Variants in ZFHX3 observed in about 807,000 individuals in gnomAD.
The protein encoded by ZFHX3 is zinc finger homeobox protein 3.
A neutral mutation model predicts 279.1 loss-of-function variants in ZFHX3; 42 were observed. That is an observed-to-expected ratio of 0.15 (90% confidence interval 0.12 to 0.19). ZFHX3 has a LOEUF of 0.19. ZFHX3 is among the 10% of genes least tolerant of loss of function. The pLI, the probability that ZFHX3 is intolerant of heterozygous loss-of-function variation, is 1.00. For synonymous variants in ZFHX3, 2,293 were observed against 1,957.8 expected (o/e 1.17, Z -4.52); for missense variants, 4,981 against 4,754.0 (o/e 1.05, Z -1.40).
At chr16:73,875,250 T>C (rs1456879882) in intron 1 of ZFHX3, among the ~76,000 whole-genome samples, 1 of 151,818 alleles carries the variant, frequency 6.6e-6, no homozygotes, top group Admixed American at 6.5e-5. Flanking sequence ...TATATTTTAA[T>C]ATTTATACAC....
intron 4 of ZFHX3, among the ~76,000 whole-genome samples, chr16:72,855,099 T>A (rs1309732136): frequency 6.6e-6 from 1 of 152,188 alleles, no homozygotes; most frequent in African/African-American, 2.4e-5. Context: ...TGAGAAGATT[T>A]ATGCTGCAAT....
At chr16:73,845,936 C>G (rs1961438580) in intron 1 of ZFHX3, among the ~76,000 whole-genome samples, 1 of 152,078 alleles carries the variant, frequency 6.6e-6, no homozygotes. Context: ...TACTCAGCCT[C>G]CTGAGTAGCT....
At chr16:73,480,550 G>A (rs1483494569) in intron 2 of ZFHX3, among the ~76,000 whole-genome samples, 1 of 152,168 alleles carries the variant, frequency 6.6e-6, no homozygotes, top group Non-Finnish European at 1.5e-5. Flanking sequence ...TGTGGGGATG[G>A]AGTGGCAGGC....
intron 3 of ZFHX3, among the ~76,000 whole-genome samples, chr16:73,418,541 T>G (rs1409876958): frequency 6.6e-6 from 1 of 152,258 alleles, no homozygotes; most frequent in Non-Finnish European, 1.5e-5. Context: ...TTTATAGATG[T>G]ATCACTGCAG....
chr16:73,681,482 T>C (rs368595287), intron 1 of ZFHX3, among the ~76,000 whole-genome samples: 12 of 152,102 alleles, frequency 7.9e-5, no homozygotes, highest in African/African-American at 2.9e-4. Context: ...TAATCCAAAA[T>C]GGGGAGAAAG....
intron 3 of ZFHX3, among the ~76,000 whole-genome samples, chr16:72,927,284 A>G (rs957025957): frequency 6.6e-6 from 1 of 152,178 alleles, no homozygotes; most frequent in Non-Finnish European, 1.5e-5. Flanking sequence ...TCCCTGTGTC[A>G]CAGTAATCCT....
At chr16:73,854,912 G>C (rs1961684783) in intron 1 of ZFHX3, among the ~76,000 whole-genome samples, 1 of 151,646 alleles carries the variant, frequency 6.6e-6, no homozygotes, top group Admixed American at 6.6e-5. Flanking sequence ...GAGTGTACCT[G>C]AACACAAACT....
intron 1 of ZFHX3, among the ~76,000 whole-genome samples, chr16:73,058,226 G>GGGCGGCCCGGGCTCGGCGGC: frequency 6.9e-6 from 1 of 145,094 alleles, no homozygotes; most frequent in Non-Finnish European, 1.5e-5. Flanking sequence ...GGGGAGGAGG[G>GGGCGGCCCGGGCTCGGCGGC]GGCGGCCCGG....
At chr16:72,889,213 A>C (rs1427807409) in intron 4 of ZFHX3, among the ~76,000 whole-genome samples, 1 of 152,118 alleles carries the variant, frequency 6.6e-6, no homozygotes, top group Non-Finnish European at 1.5e-5. Context: ...AATACAACTG[A>C]AATTTTTATA....
intron 2 of ZFHX3, among the ~76,000 whole-genome samples, chr16:73,590,920 A>G (rs2051988019): frequency 3.3e-5 from 5 of 152,186 alleles, no homozygotes; most frequent in Admixed American, 2.6e-4. Context: ...GGAAAAAAAA[A>G]TCAAACCAGT....
chr16:72,849,292 G>A (rs915905907), intron 4 of ZFHX3, among the ~76,000 whole-genome samples: 1 of 152,150 alleles, frequency 6.6e-6, no homozygotes, highest in African/African-American at 2.4e-5. Flanking sequence ...GCAGCCAGAG[G>A]AGCTGCAAGA....
chr16:73,555,951 A>G (rs2020275997), intron 2 of ZFHX3, among the ~76,000 whole-genome samples: 1 of 152,152 alleles, frequency 6.6e-6, no homozygotes, highest in South Asian at 2.1e-4. Context: ...AAGTGTCTAG[A>G]GAGGGAGGGT....
intron 1 of ZFHX3, among the ~76,000 whole-genome samples, chr16:73,006,418 T>G (rs1406159872): frequency 6.6e-6 from 1 of 151,416 alleles, no homozygotes; most frequent in Non-Finnish European, 1.5e-5. Flanking sequence ...AGGCCAGGAG[T>G]TTAAGACCAG....
intron 3 of ZFHX3, among the ~76,000 whole-genome samples, chr16:73,393,933 T>C (rs1465844406): frequency 7.2e-6 from 1 of 138,986 alleles, no homozygotes; most frequent in East Asian, 1.9e-4. Context: ...ATATATAAGA[T>C]ATATATAAAA....
In ZFHX3 at chr16:73,761,936, G is replaced by A. The variant is rs567889019; in HGVS notation, c.-1607-81696C>T. On this transcript the variant is annotated intron_variant, in intron 1 of 17. Coordinates refer to the ZFHX3 transcript ENST00000641206. Reference sequence around the variant, plus strand: ...ACATAGGCACGGGTAAAAATTTCACGACAAAGATGTCAAAAGCAATTGCAA... The same window carrying A: ...ACATAGGCACGGGTAAAAATTTCACAACAAAGATGTCAAAAGCAATTGCAA... Among the ~76,000 whole-genome samples, 12 of 152,116 alleles carry A rather than the reference G, an allele frequency of 7.9e-5. No homozygotes were observed. In the East Asian group the frequency reaches 1.7e-3, roughly 22 times the overall value.
At chr16:72,841,004 C>G (rs115838158) in intron 4 of ZFHX3, among the ~76,000 whole-genome samples, 1 of 152,106 alleles carries the variant, frequency 6.6e-6, no homozygotes, top group Non-Finnish European at 1.5e-5. Flanking sequence ...AAGGTCACTA[C>G]GTATTTACAG....
chr16:73,485,226 G>A (rs2018951708), intron 2 of ZFHX3, among the ~76,000 whole-genome samples: 1 of 152,140 alleles, frequency 6.6e-6, no homozygotes, highest in African/African-American at 2.4e-5. Flanking sequence ...ACCAATGGGT[G>A]ACTTCAGGAA....
chr16:73,439,875 G>T (rs1348112137), intron 3 of ZFHX3, among the ~76,000 whole-genome samples: 3 of 128,240 alleles, frequency 2.3e-5, no homozygotes, highest in African/African-American at 5.9e-5. Context: ...GCCCCTGGCA[G>T]CTGACTGTCA....
In ZFHX3 at chr16:72,798,101, G is replaced by C. The variant is rs1392740137; in HGVS notation, c.4581C>G (p.Phe1527Leu). The change falls in exon 9 of 10, where the codon TTC (phenylalanine) becomes TTG (leucine). Residue 1527 changes from phenylalanine (F) to leucine (L), a missense_variant. This residue lies in a region of ZFHX3 where 1,751 missense variants were observed against 1,770.0 expected (regional missense o/e 0.99). Coordinates refer to ENST00000268489, the MANE Select transcript of ZFHX3 (RefSeq NM_006885.4). ...SGSEPKRALP[F>L]RKGPNFTMEK... is the part of the protein sequence containing the mutation. ...CCATAGTAAAATTGGGACCTTTTCT[G>C]AAAGGCAGAGCTCTCTTTGGCTCTG... The C allele has an allele frequency of 3.7e-6, 6 of 1,614,224 alleles. No homozygotes were observed. The highest frequency in any genetic ancestry group is 4.2e-6 in the Non-Finnish European group (5 of 1,180,038).
Sources: allele counts gnomAD v4.1 joint callset (sites outside exome capture counted in the v4.1 genomes callset), GRCh38; gene constraint gnomAD v4.1.1; regional missense constraint gnomAD v4.1.1; transcripts MANE v1.5; gene names NCBI Gene and HGNC (gene_info 2026-07-23, HGNC 2026-07-21).